NCKAP5: variants seen among roughly 807,000 people sequenced by gnomAD.
NCKAP5 encodes the protein nck-associated protein 5.
NCKAP5 carries 92 observed loss-of-function variants against 167.0 expected under a neutral mutation model. That is an observed-to-expected ratio of 0.55 (90% CI 0.47 to 0.66). The LOEUF is 0.66. Ranked by LOEUF, NCKAP5 falls within the 30% of genes least tolerant of loss-of-function variation. The probability of loss-of-function intolerance (pLI) is 0.00; values close to 1 mark genes in which losing one functional copy is unlikely to be tolerated. For synonymous variants in NCKAP5, 891 were observed against 877.4 expected (o/e 1.02, Z -0.27); for missense variants, 2,378 against 2,315.0 (o/e 1.03, Z -0.56).
intron 6 of NCKAP5, among the ~76,000 whole-genome samples, chr2:133,072,934 C>CAAGCAA (rs1400763503): frequency 1.3e-5 from 2 of 152,200 alleles, no homozygotes; most frequent in East Asian, 3.9e-4. Context: ...ATGGAGTAAG[C>CAAGCAA]ACACTCCCTT....
rs2079089870 is a variant in NCKAP5 at position 133,037,933 on chromosome 2, T to A, written c.342-43694A>T. Among the ~76,000 whole-genome samples, 6 of 152,070 alleles carry A rather than the reference T, an allele frequency of 3.9e-5. No homozygotes were observed. In the South Asian group the frequency reaches 1.2e-3, roughly 31 times the overall value. The stretch of plus-strand genomic sequence containing the variant: ...AATAACCAGAATATACTTGTCCCAG[T>A]TAAAATGGCTTACATCCAAAAGATA... On this transcript the variant is annotated intron_variant, in intron 6 of 19. Coordinates refer to ENST00000409261, the MANE Select transcript of NCKAP5 (RefSeq NM_207363.3).
At chr2:133,221,892 T>G (rs936755321) in intron 4 of NCKAP5, among the ~76,000 whole-genome samples, 3 of 152,220 alleles carry the variant, frequency 2.0e-5, no homozygotes, top group Admixed American at 1.3e-4. Flanking sequence ...GCTGTTAGAC[T>G]TTTGTTCAGC....
At chr2:133,078,614 A>G (rs976897950) in intron 6 of NCKAP5, among the ~76,000 whole-genome samples, 27 of 152,144 alleles carry the variant, frequency 1.8e-4, no homozygotes, top group Middle Eastern at 3.4e-3. Context: ...AAAGTTGTCA[A>G]CCCTCACCAA....
chr2:133,417,757 G>A (rs978710223), intron 3 of NCKAP5, among the ~76,000 whole-genome samples: 1 of 152,192 alleles, frequency 6.6e-6, no homozygotes, highest in Non-Finnish European at 1.5e-5. Flanking sequence ...TTTGCCTGGA[G>A]AAGAGAAGGC....
intron 3 of NCKAP5, among the ~76,000 whole-genome samples, chr2:133,429,119 T>C (rs967766142): frequency 1.3e-5 from 2 of 152,080 alleles, no homozygotes; most frequent in Admixed American, 6.6e-5. Flanking sequence ...CACCAGTGGG[T>C]GGACAGTTGC....
chr2:133,191,247 G>A (rs1365006391), intron 5 of NCKAP5, among the ~76,000 whole-genome samples: 1 of 152,144 alleles, frequency 6.6e-6, no homozygotes, highest in African/African-American at 2.4e-5. Context: ...CAGTTAGAAT[G>A]GTGATCATTA....
chr2:133,339,854 A>G (rs752945355), intron 3 of NCKAP5, among the ~76,000 whole-genome samples: 17 of 152,230 alleles, frequency 1.1e-4, no homozygotes, highest in Non-Finnish European at 2.2e-4. Context: ...AGTAGGCCAT[A>G]CATTTTATGG....
intron 10 of NCKAP5, among the ~76,000 whole-genome samples, chr2:132,863,541 C>T (rs1690106967): frequency 1.3e-5 from 2 of 151,536 alleles, no homozygotes; most frequent in African/African-American, 4.9e-5. Flanking sequence ...TTTCAAAGGC[C>T]ATTAGTATTA....
chr2:132,794,263 TAGAGAGAGAGAGAG>T (rs70973407), intron 12 of NCKAP5, among the ~76,000 whole-genome samples: 163 of 11,898 alleles, frequency 0.014, 4 homozygotes, highest in South Asian at 0.056. Flanking sequence ...TATATATATA[TAGAGAGAGAGAGAG>T]AGAGAGAGAG....
At chr2:133,057,099 C>T (rs1272447440) in intron 6 of NCKAP5, among the ~76,000 whole-genome samples, 1 of 152,140 alleles carries the variant, frequency 6.6e-6, no homozygotes, top group East Asian at 1.9e-4. Flanking sequence ...TTTTGGAACA[C>T]CACAAATCGT....
intron 3 of NCKAP5, among the ~76,000 whole-genome samples, chr2:133,424,311 G>C (rs73001168): frequency 0.017 from 2,642 of 152,222 alleles, 75 homozygotes; most frequent in African/African-American, 0.059. Context: ...CAGTGTGACT[G>C]TCAGTGCCAA....
chr2:133,202,211 G>C (rs1290580282), intron 5 of NCKAP5, among the ~76,000 whole-genome samples: 1 of 152,100 alleles, frequency 6.6e-6, no homozygotes, highest in Non-Finnish European at 1.5e-5. Flanking sequence ...GAACACAACA[G>C]AGCCCTCAGA....
chr2:133,283,564 T>C (rs2090002592), intron 4 of NCKAP5, among the ~76,000 whole-genome samples: 1 of 152,182 alleles, frequency 6.6e-6, no homozygotes, highest in Admixed American at 6.5e-5. Context: ...GTTCACATTT[T>C]TCTAGATGGT....
intron 11 of NCKAP5, among the ~76,000 whole-genome samples, chr2:132,854,155 G>T (rs963302269): frequency 6.6e-6 from 1 of 152,202 alleles, no homozygotes; most frequent in East Asian, 1.9e-4. Context: ...AGCAAGAAAA[G>T]AGTAGGAATC....
chr2:132,694,519 A>G (rs1687127185), intron 19 of NCKAP5, among the ~76,000 whole-genome samples: 1 of 152,220 alleles, frequency 6.6e-6, no homozygotes, highest in Non-Finnish European at 1.5e-5. Context: ...TTCAAAATCA[A>G]TTCCCTAGTA....
At chr2:133,306,719 C>A (rs1480490132) in intron 3 of NCKAP5, among the ~76,000 whole-genome samples, 1 of 152,200 alleles carries the variant, frequency 6.6e-6, no homozygotes, top group Non-Finnish European at 1.5e-5. Flanking sequence ...TGAGGTGACT[C>A]TCCCTACCAT....
chr2:133,223,863 T>A (rs1400527217), intron 4 of NCKAP5, among the ~76,000 whole-genome samples: 1 of 152,168 alleles, frequency 6.6e-6, no homozygotes, highest in Non-Finnish European at 1.5e-5. Context: ...CACAAGACTT[T>A]AATAAATTGC....
intron 11 of NCKAP5, among the ~76,000 whole-genome samples, chr2:132,834,964 C>T (rs72991345): frequency 0.012 from 1,771 of 152,176 alleles, 25 homozygotes; most frequent in African/African-American, 0.041. Context: ...TGTATATGGC[C>T]TTTATTATGT....
intron 19 of NCKAP5, among the ~76,000 whole-genome samples, chr2:132,682,489 G>A (rs889039817): frequency 1.3e-5 from 2 of 152,322 alleles, no homozygotes; most frequent in Admixed American, 1.3e-4. Flanking sequence ...AGTGGTGTAT[G>A]AGAAAAGTCA....
Sources: allele counts gnomAD v4.1 joint callset (sites outside exome capture counted in the v4.1 genomes callset), GRCh38; gene constraint gnomAD v4.1.1; transcripts MANE v1.5; gene names NCBI Gene and HGNC (gene_info 2026-07-23, HGNC 2026-07-21).